RIC8B: variants seen among roughly 807,000 people sequenced by gnomAD.
RIC8B encodes RIC8 guanine nucleotide exchange factor B, also known as chaperone Ric-8B.
Under a neutral mutation model 57.5 loss-of-function variants are expected in RIC8B, and 16 were observed. That is an observed-to-expected ratio of 0.28 (90% CI 0.19 to 0.42). The LOEUF is 0.42. RIC8B is among the 10% of genes least tolerant of loss of function. The probability of loss-of-function intolerance (pLI) is 1.00; values close to 1 mark genes in which losing one functional copy is unlikely to be tolerated. For synonymous variants in RIC8B, 216 were observed against 250.8 expected (o/e 0.86, Z 1.31); for missense variants, 481 against 677.0 (o/e 0.71, Z 3.21).
chr12:106,877,767 G>A (rs1022142772), intron 9 of RIC8B, among the ~76,000 whole-genome samples: 4 of 152,072 alleles, frequency 2.6e-5, no homozygotes, highest in Non-Finnish European at 4.4e-5. Flanking sequence ...TTTTGAATGC[G>A]GCCCAACACA....
At position 106,862,592 on chromosome 12, in the gene RIC8B, T is replaced by C. The variant is rs143856579; in HGVS notation, c.1451+2180T>C. Among the ~76,000 whole-genome samples, 32 of 152,230 alleles carry C rather than the reference T, an allele frequency of 2.1e-4. No homozygotes were observed. The East Asian group carries it at 6.0e-3, about 28-fold the overall frequency. On this transcript the variant is annotated intron_variant, in intron 8 of 9. Transcript: ENST00000392837. ...GATTGCTTACTCCCCTACACCTGAATACCATTCACCAGTCAGAGTTCCCAA... is the reference window on the plus strand; with the variant it reads ...GATTGCTTACTCCCCTACACCTGAACACCATTCACCAGTCAGAGTTCCCAA...
intron 4 of RIC8B, among the ~76,000 whole-genome samples, chr12:106,837,262 T>A (rs1278302560): frequency 6.6e-6 from 1 of 151,962 alleles, no homozygotes; most frequent in Non-Finnish European, 1.5e-5. Flanking sequence ...CTCAGGAGGC[T>A]GAGGCAGGAG....
At chr12:106,809,326 C>T (rs2045218771) in intron 2 of RIC8B, among the ~76,000 whole-genome samples, 1 of 152,020 alleles carries the variant, frequency 6.6e-6, no homozygotes. Context: ...GAGTTTGAGA[C>T]CAGCCTGGCC....
chr12:106,793,961 A>G (rs1431187955), intron 2 of RIC8B, among the ~76,000 whole-genome samples: 3 of 151,946 alleles, frequency 2.0e-5, no homozygotes, highest in Admixed American at 1.3e-4. Flanking sequence ...GGCACCAAAA[A>G]CTGCCTGTAT....
At position 106,783,307 on chromosome 12, in the gene RIC8B, T is replaced by G. The variant is rs1033794348; in HGVS notation, c.85-690T>G. ...GTCTCTCTATGAACTAGGTACACCC[T>G]GTTTTCAGATGAGAAACTCAGTTCC... On this transcript the variant is annotated intron_variant, in intron 1 of 9. Transcript: ENST00000392837. Among the ~76,000 whole-genome samples the G allele has an allele frequency of 2.1e-4, 32 of 152,332 alleles. 1 individual carries two copies. Among genetic ancestry groups the G allele is most frequent in the African/African-American group, 7.0e-4 (29 of 41,572 alleles).
At chr12:106,865,590 C>T (rs1472621721) in intron 8 of RIC8B, among the ~76,000 whole-genome samples, 2 of 152,138 alleles carry the variant, frequency 1.3e-5, no homozygotes, top group African/African-American at 4.8e-5. Context: ...CTTCATAATA[C>T]ATTCTGAATC....
At chr12:106,877,496 C>A (rs569467242) in intron 9 of RIC8B, among the ~76,000 whole-genome samples, 1 of 152,236 alleles carries the variant, frequency 6.6e-6, no homozygotes, top group Admixed American at 6.5e-5. Flanking sequence ...CACAGTTGAG[C>A]TCTTCGTAGG....
chr12:106,830,565 G>A (rs2046311322), intron 4 of RIC8B, among the ~76,000 whole-genome samples: 1 of 152,172 alleles, frequency 6.6e-6, no homozygotes, highest in African/African-American at 2.4e-5. Flanking sequence ...GAAGGGGTTT[G>A]GATTGGTTTT....
At chr12:106,812,902 TTG>T (rs2045400002) in intron 2 of RIC8B, among the ~76,000 whole-genome samples, 1 of 152,176 alleles carries the variant, frequency 6.6e-6, no homozygotes, top group African/African-American at 2.4e-5. Flanking sequence ...AAATTTTTTT[TTG>T]TCTTATCAGA....
chr12:106,836,846 C>T (rs2046621513), intron 4 of RIC8B, among the ~76,000 whole-genome samples: 1 of 152,218 alleles, frequency 6.6e-6, no homozygotes, highest in African/African-American at 2.4e-5. Flanking sequence ...CTGGTCTTCT[C>T]TGTTATCTAC....
At position 106,814,886 on chromosome 12, in the gene RIC8B, T is replaced by C; in HGVS notation, c.323T>C (p.Val108Ala). The change falls in exon 3 of 10, where the codon GTA becomes GCA. Residue 108 changes from valine (V) to alanine (A), a missense_variant. Physicochemically the swap from Val to Ala is moderately conservative, Grantham distance 64. Coordinates refer to ENST00000392837, the MANE Select transcript of RIC8B (RefSeq NM_001330145.2). ...GAGTTAGATGATTCTTTGGAGAAAGTATCAGAGTTCCCAGTTATTGTGGAG... is the reference window on the plus strand; with the variant it reads ...GAGTTAGATGATTCTTTGGAGAAAGCATCAGAGTTCCCAGTTATTGTGGAG... ...LNELDDSLEKVSEFPVIVESL... is the reference protein window; with the variant it reads ...LNELDDSLEKASEFPVIVESL... 1 of 1,613,856 alleles carries C rather than the reference T, an allele frequency of 6.2e-7. No individual in the cohort carries two copies. Among genetic ancestry groups the C allele is most frequent in the Non-Finnish European group, 8.5e-7 (1 of 1,179,718 alleles).
Position 106,838,904 on chromosome 12 carries a change from C to T in RIC8B, c.837-3685C>T, listed in dbSNP as rs573420724. On this transcript the variant is annotated intron_variant, in intron 4 of 9. Transcript: ENST00000392837. ...CCAACGAAGACATGCAAACAGACAA[C>T]AGGTACATGAAAAGGTACTTAACAT... 1.3e-4 allele frequency among the ~76,000 whole-genome samples: 20 copies of T among 149,340 alleles called. No individual in the cohort carries two copies. In the South Asian group the frequency reaches 4.0e-3, roughly 30 times the overall value.
At chr12:106,790,161 T>C (rs1404846935) in intron 2 of RIC8B, among the ~76,000 whole-genome samples, 1 of 152,196 alleles carries the variant, frequency 6.6e-6, no homozygotes, top group Non-Finnish European at 1.5e-5. Context: ...AGTTAGTGGT[T>C]CAGCCTCACA....
chr12:106,784,113 T>A, intron 2 of RIC8B, 69 bp downstream of exon 2: 1 of 1,384,338 alleles, frequency 7.2e-7, no homozygotes, highest in Non-Finnish European at 1.0e-6. Context: ...TTCTAAGCAG[T>A]GGTCATGTTT....
chr12:106,885,337 GAA>G (rs1487675296), intron 9 of RIC8B, among the ~76,000 whole-genome samples: 1 of 152,064 alleles, frequency 6.6e-6, no homozygotes, highest in East Asian at 1.9e-4. Context: ...AAGAAAGAGT[GAA>G]AGAGAGAGAG....
At chr12:106,801,807 G>A (rs1325119976) in intron 2 of RIC8B, among the ~76,000 whole-genome samples, 1 of 152,168 alleles carries the variant, frequency 6.6e-6, no homozygotes, top group Non-Finnish European at 1.5e-5. Flanking sequence ...TTTTTGAATA[G>A]GTCCGTCTTG....
chr12:106,854,852 A>G lies in RIC8B; in HGVS notation c.1306+3258A>G, dbSNP rs145438209. On this transcript the variant is annotated intron_variant, in intron 7 of 9. Coordinates refer to ENST00000392837, the MANE Select transcript of RIC8B (RefSeq NM_001330145.2). ...ATTTTATGGAAGACTAGGCACAGAAAGAACCATCCAAAGGTCTTAAATACC... is the reference window on the plus strand; with the variant it reads ...ATTTTATGGAAGACTAGGCACAGAAGGAACCATCCAAAGGTCTTAAATACC... Among the ~76,000 whole-genome samples, 853 of 152,282 alleles carry G rather than the reference A, an allele frequency of 5.6e-3. 4 individuals are homozygous for G. Among genetic ancestry groups the G allele is most frequent in the Middle Eastern group, 0.014 (4 of 294 alleles).
At chr12:106,815,725 A>C (rs1335485599) in intron 3 of RIC8B, among the ~76,000 whole-genome samples, 1 of 152,240 alleles carries the variant, frequency 6.6e-6, no homozygotes, top group Non-Finnish European at 1.5e-5. Flanking sequence ...TTGATCAATC[A>C]GAATTGGTGT....
At position 106,887,643 on chromosome 12, in the gene RIC8B, G is replaced by T. The variant is rs1951235752; in HGVS notation, c.*1628G>T. On this transcript the variant is annotated 3_prime_UTR_variant, in exon 10 of 10. Coordinates refer to ENST00000392837, the MANE Select transcript of RIC8B (RefSeq NM_001330145.2). ...TTAGCTGGCTTTGAAGCTCACAAAA[G>T]AATGGCAAAGAAAGAGGCTGCTAGA... 2 of 152,140 alleles carry T rather than the reference G, an allele frequency of 1.3e-5. No individual in the cohort carries two copies. The highest frequency in any genetic ancestry group is 2.9e-5 in the Non-Finnish European group (2 of 68,024). 9.4% of individuals were successfully genotyped at this position (152,140 alleles called of 1,614,324 possible). A position where few individuals can be genotyped will look rare whatever the true frequency, so the allele number is the denominator to read the frequency against.
Sources: allele counts gnomAD v4.1 joint callset (sites outside exome capture counted in the v4.1 genomes callset), GRCh38; gene constraint gnomAD v4.1.1; transcripts MANE v1.5; gene names NCBI Gene and HGNC (gene_info 2026-07-23, HGNC 2026-07-21).